The following SEMA5A variants were observed in gnomAD, a reference collection of about 807,000 sequenced individuals.
The protein encoded by SEMA5A is semaphorin 5A, also known as semaphorin-5A.
SEMA5A carries 55 observed loss-of-function variants against 135.5 expected under a neutral mutation model. That is an observed-to-expected ratio of 0.41 (90% CI 0.33 to 0.51). The LOEUF (loss-of-function observed/expected upper bound fraction) is 0.51. SEMA5A is among the 20% of genes least tolerant of loss of function. SEMA5A has a pLI of 0.37. For synonymous variants in SEMA5A, 580 were observed against 546.5 expected, an observed-to-expected ratio of 1.06 and a Z score of -0.85; for missense variants, 1,290 against 1,419.9, an observed-to-expected ratio of 0.91 and a Z score of 1.47.
chr5:9,328,642 G>A (rs746310705), intron 4 of SEMA5A, among the ~76,000 whole-genome samples: 3 of 152,156 alleles, frequency 2.0e-5, no homozygotes, highest in African/African-American at 7.2e-5. Flanking sequence ...CGGATATGGT[G>A]GTGGGTGCCT....
intron 12 of SEMA5A, among the ~76,000 whole-genome samples, chr5:9,145,283 C>T (rs1466558489): frequency 6.6e-6 from 1 of 152,174 alleles, no homozygotes; most frequent in African/African-American, 2.4e-5. Context: ...TCTCCAATAA[C>T]ACACTCCTAT....
chr5:9,190,835 G>A (rs569900690), intron 10 of SEMA5A, among the ~76,000 whole-genome samples: 1 of 152,248 alleles, frequency 6.6e-6, no homozygotes, highest in East Asian at 1.9e-4. Flanking sequence ...ATATCTGCCT[G>A]ACAAATTAGG....
chr5:9,382,513 T>C (rs560992444), intron 2 of SEMA5A, among the ~76,000 whole-genome samples: 77 of 152,314 alleles, frequency 5.1e-4, no homozygotes, highest in Admixed American at 1.0e-3. Flanking sequence ...AATTTCACTG[T>C]CTGTATTTTT....
intron 16 of SEMA5A, among the ~76,000 whole-genome samples, chr5:9,081,183 A>G (rs757272391): frequency 3.3e-5 from 5 of 152,122 alleles, no homozygotes; most frequent in Non-Finnish European, 5.9e-5. Context: ...AAATCCTACA[A>G]ATACCCAGTG....
rs568472087 is a variant in SEMA5A, at chr5:9,182,155, C to A, written c.1273+8112G>T. ...TGCTTGTTTTATTGCTTCTGCCCCC[C>A]ACCCCAAAAAAAAATACGCTTCCTG... On this transcript the variant is annotated intron_variant, in intron 11 of 22. Transcript: ENST00000382496. Among the ~76,000 whole-genome samples, 23 of 134,856 alleles carry A rather than the reference C, an allele frequency of 1.7e-4. 1 individual carries two copies. The highest frequency in any genetic ancestry group is 5.6e-4 in the African/African-American group (19 of 33,912). 88.5% of individuals were successfully genotyped at this position (134,856 alleles called of 152,430 possible).
At chr5:9,162,676 A>G (rs1191482033) in intron 11 of SEMA5A, among the ~76,000 whole-genome samples, 3 of 151,170 alleles carry the variant, frequency 2.0e-5, no homozygotes, top group African/African-American at 7.3e-5. Flanking sequence ...TGGGGAGACT[A>G]TGAGTGATCC....
At chr5:9,177,019 T>C (rs1441968243) in intron 11 of SEMA5A, among the ~76,000 whole-genome samples, 1 of 152,174 alleles carries the variant, frequency 6.6e-6, no homozygotes, top group Non-Finnish European at 1.5e-5. Flanking sequence ...AATAGAATTA[T>C]CAGATAGGGA....
chr5:9,301,532 A>T (rs1344535485), intron 5 of SEMA5A, among the ~76,000 whole-genome samples: 1 of 152,176 alleles, frequency 6.6e-6, no homozygotes, highest in Admixed American at 6.5e-5. Context: ...TCCTAGTTAC[A>T]ATGGCCTCTG....
At position 9,180,515 on chromosome 5, in the gene SEMA5A, A is replaced by C. The variant is rs1419214940; in HGVS notation, c.1273+9752T>G. ...AATTTGGAGTGAATGTAAAAAAAAA[A>C]ATTCCAACATGATAGTTTTTCACAA... is the stretch of plus-strand genomic sequence containing the variant. On this transcript the variant is annotated intron_variant, in intron 11 of 22. Coordinates refer to ENST00000382496, the MANE Select transcript of SEMA5A (RefSeq NM_003966.3). 3.9e-5 allele frequency among the ~76,000 whole-genome samples: 6 copies of C among 152,196 alleles called. No homozygotes were observed. The East Asian group carries it at 7.7e-4, about 20-fold the overall frequency.
chr5:9,489,895 A>G (rs980026587), intron 1 of SEMA5A, among the ~76,000 whole-genome samples: 3 of 152,164 alleles, frequency 2.0e-5, no homozygotes, highest in Non-Finnish European at 4.4e-5. Context: ...TTTCTTTGCT[A>G]CTAAATGATC....
chr5:9,198,199 A>G (rs750182708), intron 9 of SEMA5A, among the ~76,000 whole-genome samples: 1 of 152,216 alleles, frequency 6.6e-6, no homozygotes, highest in Non-Finnish European at 1.5e-5. Context: ...CATCAAAGGA[A>G]AGGTCAAACT....
intron 1 of SEMA5A, among the ~76,000 whole-genome samples, chr5:9,493,933 A>G (rs1381247139): frequency 6.6e-6 from 1 of 152,232 alleles, no homozygotes; most frequent in Non-Finnish European, 1.5e-5. Flanking sequence ...CAAAGAATGT[A>G]AGGTTACCAT....
At chr5:9,544,689 T>C (rs750918223) in intron 1 of SEMA5A, among the ~76,000 whole-genome samples, 42 of 152,034 alleles carry the variant, frequency 2.8e-4, no homozygotes, top group Non-Finnish European at 5.1e-4. Context: ...CGCAGGAAAG[T>C]TAAATCCCAA....
At chr5:9,335,387 C>T (rs994812739) in intron 4 of SEMA5A, among the ~76,000 whole-genome samples, 1 of 152,116 alleles carries the variant, frequency 6.6e-6, no homozygotes, top group South Asian at 2.1e-4. Flanking sequence ...TTCAAAATAC[C>T]CTAATTTGCT....
At chr5:9,522,802 G>A (rs1379341644) in intron 1 of SEMA5A, 1 of 152,196 alleles carries the variant, frequency 6.6e-6, no homozygotes, top group Non-Finnish European at 1.5e-5. Flanking sequence ...TGTTGACATG[G>A]AACATTTCAG....
At chr5:9,469,095 G>C (rs13171264) in intron 1 of SEMA5A, among the ~76,000 whole-genome samples, 43,709 of 151,780 alleles carry the variant, frequency 0.29, 6,622 homozygotes, top group East Asian at 0.52. Context: ...TGCAACCTCC[G>C]CCTCCCAGAT....
rs185404412 is a variant in SEMA5A, at chr5:9,148,909, G to A, written c.1481+5579C>T. ...TAATTTTTGTATTTTTAGTGGAGACGGGGTTTTGCCATGTTGGCCAGGCTG... is the reference window on the plus strand; with the variant it reads ...TAATTTTTGTATTTTTAGTGGAGACAGGGTTTTGCCATGTTGGCCAGGCTG... On this transcript the variant is annotated intron_variant, in intron 12 of 22. Coordinates refer to ENST00000382496, the MANE Select transcript of SEMA5A (RefSeq NM_003966.3). Among the ~76,000 whole-genome samples the A allele has an allele frequency of 3.5e-3, 540 of 152,156 alleles. 2 individuals carry two copies. The highest frequency in any genetic ancestry group is 0.013 in the African/African-American group (520 of 41,516).
Position 9,164,027 on chromosome 5 carries a change from T to A in SEMA5A, c.1274-9332A>T, listed in dbSNP as rs1743444872. ...ATATAATATATATTTATAATATAAATATTTATATAATATAATATATATTTA... is the reference window on the plus strand; with the variant it reads ...ATATAATATATATTTATAATATAAAAATTTATATAATATAATATATATTTA... On this transcript the variant is annotated intron_variant, in intron 11 of 22. Coordinates refer to ENST00000382496, the MANE Select transcript of SEMA5A (RefSeq NM_003966.3). 2.1e-5 allele frequency among the ~76,000 whole-genome samples: 3 copies of A among 143,528 alleles called. No homozygotes were observed. In the Admixed American group the frequency reaches 2.2e-4, roughly 10 times the overall value. The allele number at this position is 143,528 out of a possible 152,430, so 94.2% of individuals were successfully genotyped here.
intron 16 of SEMA5A, among the ~76,000 whole-genome samples, chr5:9,069,594 A>T (rs998314710): frequency 6.6e-6 from 1 of 151,792 alleles, no homozygotes; most frequent in South Asian, 2.1e-4. Flanking sequence ...TTTATTTTTT[A>T]TTTTTTTTAC....
Sources: allele counts gnomAD v4.1 joint callset (sites outside exome capture counted in the v4.1 genomes callset), GRCh38; gene constraint gnomAD v4.1.1; transcripts MANE v1.5; gene names NCBI Gene and HGNC (gene_info 2026-07-23, HGNC 2026-07-21).